MPPED1: variants seen among roughly 807,000 people sequenced by gnomAD.
The protein encoded by MPPED1 is metallophosphoesterase domain-containing protein 1.
In MPPED1, 16 loss-of-function variants were observed where a neutral mutation model predicts 36.2. That is an observed-to-expected ratio of 0.44 (90% CI 0.30 to 0.67). MPPED1 has a LOEUF of 0.67. Among genes scored for constraint, MPPED1 ranks in the 30% least tolerant of loss-of-function variants. The probability of loss-of-function intolerance (pLI) is 0.10; values close to 1 mark genes in which losing one functional copy is unlikely to be tolerated. For missense variants in MPPED1, 307 were observed against 453.4 expected, an observed-to-expected ratio of 0.68 and a Z score of 2.93; for synonymous variants, 199 against 191.3, an observed-to-expected ratio of 1.04 and a Z score of -0.33.
intron 4 of MPPED1, among the ~76,000 whole-genome samples, chr22:43,494,664 T>C (rs144911209): frequency 0.64 from 95,731 of 149,818 alleles, 31,939 homozygotes; most frequent in African/African-American, 0.85. Context: ...GTTGGCAACA[T>C]GTCTTTTTGG....
chr22:43,486,467 G>C (rs1049043934), intron 4 of MPPED1, among the ~76,000 whole-genome samples: 11 of 152,254 alleles, frequency 7.2e-5, no homozygotes, highest in African/African-American at 2.4e-4. Flanking sequence ...ACCTGGACAG[G>C]CTCCTCTGAA....
At chr22:43,413,190 G>T (rs977016621) in intron 1 of MPPED1, among the ~76,000 whole-genome samples, 3 of 152,188 alleles carry the variant, frequency 2.0e-5, no homozygotes, top group African/African-American at 4.8e-5. Context: ...TGGCCCAGAG[G>T]AGAGCTTGTT....
intron 5 of MPPED1, among the ~76,000 whole-genome samples, chr22:43,498,994 C>T (rs1047143800): frequency 6.6e-6 from 1 of 151,970 alleles, no homozygotes; most frequent in Non-Finnish European, 1.5e-5. Context: ...CTGACCCTGC[C>T]TCAGTCCAGG....
At chr22:43,439,264 C>T (rs1316863247) in intron 3 of MPPED1, among the ~76,000 whole-genome samples, 1 of 152,222 alleles carries the variant, frequency 6.6e-6, no homozygotes, top group Non-Finnish European at 1.5e-5. Context: ...CCCTTTTCCC[C>T]CTTGGCCATT....
At chr22:43,412,668 C>CCATCCAT (rs1555896850) in intron 1 of MPPED1, among the ~76,000 whole-genome samples, 2 of 149,160 alleles carry the variant, frequency 1.3e-5, no homozygotes, top group East Asian at 4.0e-4. Flanking sequence ...ATCCCTCCCT[C>CCATCCAT]CCATCCATCC....
intron 3 of MPPED1, among the ~76,000 whole-genome samples, chr22:43,447,171 C>T (rs980332612): frequency 3.9e-5 from 6 of 152,126 alleles, no homozygotes; most frequent in South Asian, 2.1e-4. Flanking sequence ...CTTCCTGTGC[C>T]GCTTCTCTCC....
intron 4 of MPPED1, among the ~76,000 whole-genome samples, chr22:43,480,821 CTTTTCT>C (rs1423652061): frequency 6.8e-6 from 1 of 146,934 alleles, no homozygotes; most frequent in African/African-American, 2.5e-5. Flanking sequence ...TTTTTCTTTT[CTTTTCT>C]TTTTTTTTTT....
Position 43,498,357 on chromosome 22 carries a change from C to T in MPPED1, c.748+7C>T, listed in dbSNP as rs563196381. 17 of 1,528,896 alleles carry T rather than the reference C, an allele frequency of 1.1e-5. No individual in the cohort carries two copies. The African/African-American group carries it at 2.1e-4, about 18-fold the overall frequency. The allele number at this position is 1,528,896 out of a possible 1,614,324, so 94.7% of individuals were successfully genotyped here. On this transcript the variant is annotated splice_region_variant and intron_variant, in intron 5 of 6. Coordinates refer to ENST00000443721, the MANE Select transcript of MPPED1 (RefSeq NM_001044370.2). ...ACCCATGGACCACCACTGGGTAAGG[C>T]TCTGCTGGCCTGGCCCTCCAGCTCG...
intron 1 of MPPED1, chr22:43,417,081 T>TG (rs1013064848): frequency 1.8e-5 from 16 of 893,118 alleles, no homozygotes; most frequent in African/African-American, 7.2e-5. Flanking sequence ...CAGAGACTGC[T>TG]GGGGGGTGGC....
chr22:43,488,208 C>A (rs1485018922), intron 4 of MPPED1, among the ~76,000 whole-genome samples: 2 of 152,160 alleles, frequency 1.3e-5, no homozygotes, highest in African/African-American at 4.8e-5. Context: ...CAGCCTCATG[C>A]CCCGGCCCGG....
At chr22:43,440,103 C>T (rs986053562) in intron 3 of MPPED1, among the ~76,000 whole-genome samples, 5 of 152,230 alleles carry the variant, frequency 3.3e-5, no homozygotes, top group African/African-American at 9.6e-5. Flanking sequence ...AATGTGCAGC[C>T]GTGAGTGGCA....
intron 1 of MPPED1, among the ~76,000 whole-genome samples, chr22:43,422,348 G>A (rs923179755): frequency 6.6e-6 from 1 of 152,174 alleles, no homozygotes; most frequent in Admixed American, 6.5e-5. Context: ...CTCAAAAAGT[G>A]TTGGACTTGT....
At chr22:43,433,606 G>T (rs573244663) in intron 2 of MPPED1, among the ~76,000 whole-genome samples, 1 of 152,292 alleles carries the variant, frequency 6.6e-6, no homozygotes, top group Non-Finnish European at 1.5e-5. Context: ...GGGGCCCCGG[G>T]TGCGCGCTCC....
At chr22:43,456,947 A>G (rs1030598257) in intron 3 of MPPED1, among the ~76,000 whole-genome samples, 8 of 152,182 alleles carry the variant, frequency 5.3e-5, no homozygotes, top group African/African-American at 1.9e-4. Context: ...CCTGAGTTCA[A>G]TCCCATTTGG....
intron 2 of MPPED1, among the ~76,000 whole-genome samples, chr22:43,425,804 C>G (rs1929448336): frequency 6.6e-6 from 1 of 152,242 alleles, no homozygotes; most frequent in African/African-American, 2.4e-5. Flanking sequence ...TCCAAAAGGA[C>G]TGGGGGATTC....
intron 3 of MPPED1, among the ~76,000 whole-genome samples, chr22:43,440,695 C>A (rs919024413): frequency 6.6e-6 from 1 of 152,128 alleles, no homozygotes; most frequent in Admixed American, 6.5e-5. Flanking sequence ...GCAGCCTCCG[C>A]AGCCCTCACT....
chr22:43,437,169 A>G (rs1402909747), intron 3 of MPPED1, among the ~76,000 whole-genome samples: 2 of 152,180 alleles, frequency 1.3e-5, no homozygotes, highest in Non-Finnish European at 2.9e-5. Flanking sequence ...CCCACTGCAC[A>G]AAGCGAGACA....
At chr22:43,443,500 A>T (rs1930225328) in intron 3 of MPPED1, among the ~76,000 whole-genome samples, 1 of 151,958 alleles carries the variant, frequency 6.6e-6, no homozygotes, top group South Asian at 2.1e-4. Context: ...TCTGGTTTGG[A>T]AGTGGAATCA....
chr22:43,464,637 G>C (rs1450651366), intron 3 of MPPED1, among the ~76,000 whole-genome samples: 1 of 152,094 alleles, frequency 6.6e-6, no homozygotes, highest in African/African-American at 2.4e-5. Flanking sequence ...GGTGGGAGGG[G>C]CCCGGGTCCC....
Sources: gnomAD v4.1 joint callset for allele counts (sites outside exome capture counted in the v4.1 genomes callset) on GRCh38, gnomAD v4.1.1 for gene constraint, MANE v1.5 for transcripts, NCBI Gene and HGNC (gene_info 2026-07-23, HGNC 2026-07-21) for gene names.